JADE3: variants seen among roughly 807,000 people sequenced by gnomAD.
JADE3 encodes the protein protein Jade-3.
In JADE3, 2 loss-of-function variants were observed where a neutral mutation model predicts 50.1. That is an observed-to-expected ratio of 0.04 (90% CI 0.02 to 0.13). The LOEUF (loss-of-function observed/expected upper bound fraction) is 0.13. JADE3 is among the 10% of genes least tolerant of loss of function. The probability of loss-of-function intolerance (pLI) is 1.00; values close to 1 mark genes in which losing one functional copy is unlikely to be tolerated. For missense variants in JADE3, 475 were observed against 634.4 expected, an observed-to-expected ratio of 0.75 and a Z score of 2.70; for synonymous variants, 218 against 232.9, an observed-to-expected ratio of 0.94 and a Z score of 0.58.
At position 47,001,728 on chromosome X, in the gene JADE3, T is replaced by G. The variant is rs1234790854; in HGVS notation, c.284+3451T>G. ...AACATTAATAAATAATTTGTTTTCATGTCCTTCAACAGATTTTCAAAATCA... is the reference window on the plus strand; with the variant it reads ...AACATTAATAAATAATTTGTTTTCAGGTCCTTCAACAGATTTTCAAAATCA... On this transcript the variant is annotated intron_variant, in intron 4 of 10. Coordinates refer to ENST00000614628, the MANE Select transcript of JADE3 (RefSeq NM_014735.5). Among the ~76,000 whole-genome samples, 4 of 112,289 alleles carry G rather than the reference T, an allele frequency of 3.6e-5. 1 individual carries two copies. Among genetic ancestry groups the G allele is most frequent in the Non-Finnish European group, 7.5e-5 (4 of 53,209 alleles).
chrX:47,039,201 G>T (rs781981472), intron 8 of JADE3, 136 bp downstream of exon 8: 54 of 404,041 alleles, frequency 1.3e-4, no homozygotes, highest in Middle Eastern at 6.6e-4. Flanking sequence ...CCATTGTACG[G>T]ACCATTTCTG....
intron 8 of JADE3, among the ~76,000 whole-genome samples, chrX:47,049,929 C>T (rs782660709): frequency 2.8e-5 from 3 of 106,419 alleles, no homozygotes; most frequent in South Asian, 8.8e-4. Context: ...ACCCGGCACT[C>T]TTCTTCTTTT....
chrX:46,956,367 G>A (rs992203073), intron 1 of JADE3, among the ~76,000 whole-genome samples: 189 of 112,386 alleles, frequency 1.7e-3, no homozygotes, highest in African/African-American at 5.8e-3. Context: ...CTTGGCCCCC[G>A]TGGCCTTTTA....
In JADE3 at chrX:46,972,316, TTCCTG is replaced by T. The variant is rs1556350616; in HGVS notation, c.-11-12567_-11-12563del. ...GTTCAAGCAATTCTCATGCCTCAGC[TTCCTG>T]AATAGCTGGGATTATAGGCATTCAC... On this transcript the variant is annotated intron_variant, in intron 1 of 10. Transcript: ENST00000614628. Among the ~76,000 whole-genome samples, 18 of 109,737 alleles carry T rather than the reference TTCCTG, an allele frequency of 1.6e-4. No homozygotes were observed. In the East Asian group the frequency reaches 3.8e-3, roughly 23 times the overall value.
chrX:46,924,825 G>A (rs782230695), intron 1 of JADE3, among the ~76,000 whole-genome samples: 8 of 112,083 alleles, frequency 7.1e-5, no homozygotes, highest in African/African-American at 1.6e-4. Flanking sequence ...AGTAATTTGC[G>A]TCACTGAAAA....
intron 7 of JADE3, 124 bp downstream of exon 7, chrX:47,033,912 G>T: frequency 5.3e-6 from 3 of 562,719 alleles, no homozygotes; most frequent in Non-Finnish European, 8.1e-6. Flanking sequence ...TGAAGTAATA[G>T]TACTTCCACT....
intron 4 of JADE3, among the ~76,000 whole-genome samples, chrX:47,002,324 T>C (rs1556359303): frequency 8.9e-6 from 1 of 111,815 alleles, no homozygotes; most frequent in Non-Finnish European, 1.9e-5. Context: ...GTAAGTTGAT[T>C]CTTCCCACTT....
At chrX:46,917,805 C>CTT (rs1556336713) in intron 1 of JADE3, among the ~76,000 whole-genome samples, 1 of 89,041 alleles carries the variant, frequency 1.1e-5, no homozygotes, top group Admixed American at 1.3e-4. Context: ...GTCTGTCTCT[C>CTT]TCTCTCTCTC....
intron 1 of JADE3, among the ~76,000 whole-genome samples, chrX:46,916,168 T>G (rs1569533708): frequency 8.9e-6 from 1 of 112,416 alleles, no homozygotes. Flanking sequence ...CTTTTTTAAA[T>G]TTTAAAAACT....
chrX:47,054,366 G>T lies in JADE3; in HGVS notation c.1181G>T (p.Ser394Ile). The change falls in exon 9 of 11, where the codon AGC becomes ATC. Residue 394 changes from serine (S) to isoleucine (I), a missense_variant. Transcript: ENST00000614628. Reference sequence around the variant, plus strand: ...AGCCAGGCCAAAAGTGAGAAAACCAGCCTGCGGGCACAGAAGCTTCGGGAG... The same window carrying T: ...AGCCAGGCCAAAAGTGAGAAAACCATCCTGCGGGCACAGAAGCTTCGGGAG... Reference protein sequence around the residue: ...EQSQAKSEKTSLRAQKLRELE... With the variant: ...EQSQAKSEKTILRAQKLRELE... The T allele has an allele frequency of 8.3e-7, 1 of 1,211,531 alleles. No homozygotes were observed. Among genetic ancestry groups the T allele is most frequent in the Non-Finnish European group, 1.1e-6 (1 of 895,331 alleles).
intron 1 of JADE3, among the ~76,000 whole-genome samples, chrX:46,927,914 G>A (rs988733691): frequency 8.9e-6 from 1 of 111,937 alleles, no homozygotes; most frequent in Non-Finnish European, 1.9e-5. Flanking sequence ...GCGCACAGAA[G>A]ACTACCCATT....
At position 47,059,820 on chromosome X, in the gene JADE3, A is replaced by T. The variant is rs1376998642; in HGVS notation, c.*743A>T. On this transcript the variant is annotated 3_prime_UTR_variant, in exon 11 of 11. Transcript: ENST00000614628. ...AAATGCTCTGATTCTCTGTTTAGGC[A>T]TTTGTGAAGGATTCCAGAGCCTTTC... is the stretch of plus-strand genomic sequence containing the variant. 1 of 112,357 alleles carries T rather than the reference A, an allele frequency of 8.9e-6. No homozygotes were observed. Among genetic ancestry groups the T allele is most frequent in the East Asian group, 2.8e-4 (1 of 3,588 alleles). The allele number at this position is 112,357 out of a possible 1,213,427, so 9.3% of individuals were successfully genotyped here.
intron 1 of JADE3, among the ~76,000 whole-genome samples, chrX:46,934,855 A>G (rs1427352266): frequency 2.7e-5 from 3 of 112,196 alleles, no homozygotes; most frequent in Middle Eastern, 4.2e-3. Flanking sequence ...TTTTGTGTAT[A>G]TGGATGTCTT....
chrX:46,951,731 A>G (rs186931386), intron 1 of JADE3, among the ~76,000 whole-genome samples: 2 of 107,545 alleles, frequency 1.9e-5, no homozygotes, highest in East Asian at 2.9e-4. Flanking sequence ...TTTTTCGTTT[A>G]GATTGGCCAG....
At chrX:47,034,267 A>G (rs1929084249) in intron 7 of JADE3, among the ~76,000 whole-genome samples, 1 of 110,925 alleles carries the variant, frequency 9.0e-6, no homozygotes, top group Non-Finnish European at 1.9e-5. Context: ...AATAGACATA[A>G]AGCACCCCAG....
intron 1 of JADE3, among the ~76,000 whole-genome samples, chrX:46,972,009 AT>A (rs782674515): frequency 9.1e-6 from 1 of 109,961 alleles, no homozygotes; most frequent in Admixed American, 9.8e-5. Context: ...TTCAGTAAAC[AT>A]TTTTTTTAGT....
chrX:47,040,994 A>G (rs187895409), intron 8 of JADE3, among the ~76,000 whole-genome samples: 2 of 111,327 alleles, frequency 1.8e-5, no homozygotes, highest in African/African-American at 3.3e-5. Flanking sequence ...GATTTTATTT[A>G]TTTTAACTAT....
At chrX:47,001,763 A>G (rs1333596594) in intron 4 of JADE3, among the ~76,000 whole-genome samples, 2 of 112,154 alleles carry the variant, frequency 1.8e-5, no homozygotes, top group Non-Finnish European at 3.8e-5. Flanking sequence ...AAATGACTTC[A>G]ATTAACATTT....
At position 46,987,921 on chromosome X, in the gene JADE3, T is replaced by C. The variant is rs781973663; in HGVS notation, c.126+2129T>C. 3.6e-5 allele frequency among the ~76,000 whole-genome samples: 4 copies of C among 112,372 alleles called. No homozygotes were observed. In the East Asian group the frequency reaches 1.1e-3, roughly 31 times the overall value. On this transcript the variant is annotated intron_variant, in intron 3 of 10. Transcript: ENST00000614628. ...TTATAAAAAGGAAAACCTGGTGATA[T>C]TGTAGGACAAAACTAGCCTTTGCAT...
Sources: gnomAD v4.1 joint callset for allele counts (sites outside exome capture counted in the v4.1 genomes callset) on GRCh38, gnomAD v4.1.1 for gene constraint, MANE v1.5 for transcripts, NCBI Gene and HGNC (gene_info 2026-07-23, HGNC 2026-07-21) for gene names.